BRSK2: variants seen among roughly 807,000 people sequenced by gnomAD.
BRSK2 encodes the protein BR serine/threonine kinase 2.
In BRSK2, 19 loss-of-function variants were observed where a neutral mutation model predicts 83.3. The observed-to-expected ratio is 0.23, with a 90% CI of 0.16 to 0.33. The LOEUF is 0.33. Among genes scored for constraint, BRSK2 ranks in the 10% least tolerant of loss-of-function variants. The pLI is 1.00. For synonymous variants in BRSK2, 519 were observed against 435.4 expected (o/e 1.19, Z -2.39); for missense variants, 798 against 1,042.3 (o/e 0.77, Z 3.23).
Position 1,438,238 on chromosome 11 carries a change from A to T in BRSK2, c.187-68A>T. ...GACCCCCACAGCTGGCACCAAAGGCAGTGTCTGTGGGGAGCGATGCGTGCC... is the reference window on the plus strand; with the variant it reads ...GACCCCCACAGCTGGCACCAAAGGCTGTGTCTGTGGGGAGCGATGCGTGCC... On this transcript the variant is annotated intron_variant, in intron 2 of 19. Transcript: ENST00000528841. The surrounding 1 kb of genome is among the most constrained non-coding windows in gnomAD (Gnocchi z 6.4). 1 of 1,460,404 alleles carries T rather than the reference A, an allele frequency of 6.8e-7. No homozygotes were observed. Among genetic ancestry groups the T allele is most frequent in the Non-Finnish European group, 9.5e-7 (1 of 1,049,522 alleles). The allele number at this position is 1,460,404 out of a possible 1,614,324, so 90.5% of individuals were successfully genotyped here.
At chr11:1,414,952 A>G (rs893266823) in intron 1 of BRSK2, among the ~76,000 whole-genome samples, 3 of 152,186 alleles carry the variant, frequency 2.0e-5, no homozygotes, top group African/African-American at 4.8e-5. Context: ...TTGTTCGCCT[A>G]TCATCTGCCG....
chr11:1,456,840 C>T (rs1846622928), intron 18 of BRSK2, 153 bp downstream of exon 18: 2 of 1,351,470 alleles, frequency 1.5e-6, no homozygotes, highest in Non-Finnish European at 1.0e-6. Context: ...GTGGCTGCAC[C>T]CCTCAGGGAG....
At chr11:1,419,831 T>C (rs888549902) in intron 1 of BRSK2, among the ~76,000 whole-genome samples, 10 of 152,262 alleles carry the variant, frequency 6.6e-5, no homozygotes, top group Admixed American at 6.5e-4. Flanking sequence ...GAGAATCACT[T>C]GAACCTGGGA....
Position 1,443,497 on chromosome 11 carries a change from G to A in BRSK2, c.642G>A (p.Leu214=). 1 of 1,597,470 alleles carries A rather than the reference G, an allele frequency of 6.3e-7. No individual in the cohort carries two copies. The highest frequency in any genetic ancestry group is 8.5e-7 in the Non-Finnish European group (1 of 1,171,918). The stretch of plus-strand genomic sequence containing the variant: ...CACCCGGCCGCCCGCAGGGGGCTCT[G>A]CCCTTCGACGATGACAACTTGCGAC... ...VILFALLVGA[L]PFDDDNLRQL... Residue 214 remains leucine, a synonymous_variant, in exon 8 of 20, where the codon CTG becomes CTA. Transcript: ENST00000528841.
intron 4 of BRSK2, 65 bp downstream of exon 4, chr11:1,440,993 A>G: frequency 7.0e-7 from 1 of 1,423,648 alleles, no homozygotes; most frequent in Non-Finnish European, 9.5e-7. Context: ...GCTACCACAG[A>G]TGCCCCCTGT....
chr11:1,456,625 T>C lies in BRSK2; in HGVS notation c.1877T>C (p.Val626Ala), dbSNP rs1442261316. The change falls in exon 18 of 20, where the codon GTG (valine) becomes GCG (alanine). Residue 626 changes from valine to alanine, a missense_variant. Physicochemically the swap from Val to Ala is moderately conservative, Grantham distance 64. Transcript: ENST00000528841. ...CCCAGCCGTCGCTTCAAGAGGGTGG[T>C]GGAGACCATCCAGGCCCAGCTGCTG... ...SGPSRRFKRV[V>A]ETIQAQLLST... is the part of the protein sequence containing the mutation. The C allele has an allele frequency of 6.2e-7, 1 of 1,611,150 alleles. No individual in the cohort carries two copies. Among genetic ancestry groups the C allele is most frequent in the Non-Finnish European group, 8.5e-7 (1 of 1,179,412 alleles).
chr11:1,404,973 C>T (rs1248957577), intron 1 of BRSK2, among the ~76,000 whole-genome samples: 1 of 18,124 alleles, frequency 5.5e-5, no homozygotes, highest in Admixed American at 8.8e-4. Flanking sequence ...GGCAGGCAGG[C>T]GGGCGTGCAG....
At chr11:1,445,718 G>GT in intron 11 of BRSK2, 39 bp from the exon 12 acceptor site, 1 of 1,610,982 alleles carries the variant, frequency 6.2e-7, no homozygotes, top group East Asian at 2.2e-5. Flanking sequence ...CCCCACCGGG[G>GT]TCCGGGGGCT....
intron 19 of BRSK2, 55 bp downstream of exon 19, chr11:1,459,294 C>A: frequency 6.2e-7 from 1 of 1,600,846 alleles, no homozygotes; most frequent in South Asian, 1.1e-5. Context: ...ACCGCTCACC[C>A]TCAGCCCGCT....
In BRSK2 at chr11:1,460,837, C is replaced by G; in HGVS notation, c.*114C>G. 2 of 1,539,588 alleles carry G rather than the reference C, an allele frequency of 1.3e-6. No homozygotes were observed. Among genetic ancestry groups the G allele is most frequent in the Non-Finnish European group, 8.7e-7 (1 of 1,146,326 alleles). ...GCCGCCCGTCCGTCCAGACTGTTCT[C>G]AGAGCCTGGGAGGAAAGGAAAGGGG... On this transcript the variant is annotated 3_prime_UTR_variant, in exon 20 of 20. Transcript: ENST00000528841.
chr11:1,446,324 T>G (rs1169048481), intron 12 of BRSK2, among the ~76,000 whole-genome samples: 1 of 148,798 alleles, frequency 6.7e-6, no homozygotes, highest in Non-Finnish European at 1.5e-5. Flanking sequence ...TGCACTAGAA[T>G]GGGCTGAGAC....
At chr11:1,439,198 G>A (rs1047969173) in intron 3 of BRSK2, among the ~76,000 whole-genome samples, 1 of 152,098 alleles carries the variant, frequency 6.6e-6, no homozygotes, top group African/African-American at 2.4e-5. Context: ...TGCCCTCAGG[G>A]TGAGCTGGCT....
At chr11:1,412,999 G>A (rs1169527259) in intron 1 of BRSK2, among the ~76,000 whole-genome samples, 9 of 152,150 alleles carry the variant, frequency 5.9e-5, no homozygotes, top group Admixed American at 1.3e-4. Context: ...CACTGCAGGC[G>A]CTGCCCCCGG....
intron 15 of BRSK2, among the ~76,000 whole-genome samples, chr11:1,452,003 C>T (rs1009270543): frequency 1.3e-5 from 2 of 152,142 alleles, no homozygotes; most frequent in Admixed American, 6.5e-5. Flanking sequence ...CTCCTCTCCA[C>T]GATGGCCTCA....
Position 1,429,538 on chromosome 11 carries a change from G to A in BRSK2, c.92-6502G>A, listed in dbSNP as rs1849722073. ...CCAGCATCCTGCTGTGCCCAGCAGT[G>A]AGCGTCTTCTGCGGTCTGGTCAGGT... On this transcript the variant is annotated intron_variant, in intron 1 of 19. Coordinates refer to ENST00000528841, the MANE Select transcript of BRSK2 (RefSeq NM_001256627.2). Among the ~76,000 whole-genome samples the A allele has an allele frequency of 2.5e-5, 3 of 119,438 alleles. 1 individual carries two copies. The East Asian group carries it at 6.0e-4, about 24-fold the overall frequency. 78.4% of individuals were successfully genotyped at this position (119,438 alleles called of 152,430 possible). A position where few individuals can be genotyped will look rare whatever the true frequency, so the allele number is the denominator to read the frequency against.
chr11:1,403,886 C>T (rs368639915), intron 1 of BRSK2, among the ~76,000 whole-genome samples: 7 of 152,168 alleles, frequency 4.6e-5, no homozygotes, highest in African/African-American at 7.2e-5. Context: ...CGTGGGGAGG[C>T]GGCCGGGCTC....
rs1318154458 is a variant in BRSK2, at chr11:1,461,246, G to A, written c.*523G>A. 15 of 579,128 alleles carry A rather than the reference G, an allele frequency of 2.6e-5. No individual in the cohort carries two copies. The highest frequency in any genetic ancestry group is 4.5e-5 in the Non-Finnish European group (15 of 337,048). The allele number at this position is 579,128 out of a possible 1,614,324, so 35.9% of individuals were successfully genotyped here. Reference sequence around the variant, plus strand: ...AACAGCCTGCCTGGTGGCCTTCTGGGGCCAGGACCCCTGGTGGGCAACGTA... The same window carrying A: ...AACAGCCTGCCTGGTGGCCTTCTGGAGCCAGGACCCCTGGTGGGCAACGTA... On this transcript the variant is annotated 3_prime_UTR_variant, in exon 20 of 20. Transcript: ENST00000528841.
At chr11:1,403,955 C>T (rs921586280) in intron 1 of BRSK2, among the ~76,000 whole-genome samples, 12 of 152,292 alleles carry the variant, frequency 7.9e-5, no homozygotes, top group African/African-American at 2.6e-4. Flanking sequence ...GGGAGGCGGG[C>T]GGTGGGCCTG....
chr11:1,396,737 G>C (rs953906207), intron 1 of BRSK2, among the ~76,000 whole-genome samples: 1 of 152,230 alleles, frequency 6.6e-6, no homozygotes, highest in Non-Finnish European at 1.5e-5. Context: ...CAGCCCTGCT[G>C]GGCAGCCGGC....
Sources: gnomAD v4.1 joint callset for allele counts (sites outside exome capture counted in the v4.1 genomes callset) on GRCh38, gnomAD v4.1.1 for gene constraint, Gnocchi (gnomAD v3.1) non-coding constraint, MANE v1.5 for transcripts, NCBI Gene and HGNC (gene_info 2026-07-23, HGNC 2026-07-21) for gene names.